Variants in TTC29 observed in about 807,000 individuals in gnomAD.
TTC29 encodes tetratricopeptide repeat protein 29.
In TTC29, 49 loss-of-function variants were observed where a neutral mutation model predicts 58.1. The observed-to-expected ratio is 0.84, with a 90% CI of 0.67 to 1.07. The LOEUF (loss-of-function observed/expected upper bound fraction) is 1.07, where lower values mean the gene tolerates loss of function less well. TTC29 is among the 50% of genes least tolerant of loss of function. The pLI, the probability that TTC29 is intolerant of heterozygous loss-of-function variation, is 0.00. For missense variants in TTC29, 582 were observed against 555.6 expected, an observed-to-expected ratio of 1.05 and a Z score of -0.48; for synonymous variants, 209 against 196.8, an observed-to-expected ratio of 1.06 and a Z score of -0.52.
chr4:146,852,352 T>A (rs1286089829), intron 8 of TTC29, among the ~76,000 whole-genome samples: 3 of 152,186 alleles, frequency 2.0e-5, no homozygotes, highest in Admixed American at 2.0e-4. Context: ...GAGTTTAAAA[T>A]CATCTTACTG....
At chr4:146,903,170 A>G (rs1486773292) in intron 6 of TTC29, among the ~76,000 whole-genome samples, 1 of 152,150 alleles carries the variant, frequency 6.6e-6, no homozygotes, top group East Asian at 1.9e-4. Context: ...TACGTGAGTT[A>G]TACAGATATT....
At chr4:146,818,028 G>A (rs1751536277) in intron 10 of TTC29, among the ~76,000 whole-genome samples, 1 of 152,088 alleles carries the variant, frequency 6.6e-6, no homozygotes, top group Admixed American at 6.6e-5. Context: ...CATGGGCAAG[G>A]ACTTCATGTC....
intron 11 of TTC29, among the ~76,000 whole-genome samples, chr4:146,771,728 G>A (rs1178605223): frequency 6.6e-6 from 1 of 152,114 alleles, no homozygotes; most frequent in African/African-American, 2.4e-5. Flanking sequence ...ACATATGTAT[G>A]CATGTGTCTT....
At chr4:146,816,909 A>T (rs1332586504) in intron 10 of TTC29, among the ~76,000 whole-genome samples, 11 of 152,148 alleles carry the variant, frequency 7.2e-5, no homozygotes, top group Admixed American at 7.2e-4. Flanking sequence ...TGGTTAGGAG[A>T]ATGGGTTTGA....
intron 8 of TTC29, among the ~76,000 whole-genome samples, chr4:146,845,619 G>A (rs1254458786): frequency 6.6e-6 from 1 of 152,138 alleles, no homozygotes; most frequent in East Asian, 1.9e-4. Flanking sequence ...CACTTGCTTT[G>A]CCAATGCAGA....
chr4:146,910,761 A>G (rs377404637), intron 4 of TTC29, among the ~76,000 whole-genome samples: 63 of 152,274 alleles, frequency 4.1e-4, no homozygotes, highest in African/African-American at 1.5e-3. Flanking sequence ...TCGTAAAGAG[A>G]ATAAAGAGAC....
In TTC29 at chr4:146,851,974, C is replaced by T. The variant is rs1287589368; in HGVS notation, c.885+15524G>A. 3.3e-5 allele frequency among the ~76,000 whole-genome samples: 5 copies of T among 152,158 alleles called. No individual in the cohort carries two copies. In the South Asian group the frequency reaches 6.2e-4, roughly 19 times the overall value. On this transcript the variant is annotated intron_variant, in intron 8 of 12. Transcript: ENST00000325106. ...TTTTTGAGACGGAGTCTCACTCTGTCGCCCAGACTGGAGTGCAGTGGCATG... is the reference window on the plus strand; with the variant it reads ...TTTTTGAGACGGAGTCTCACTCTGTTGCCCAGACTGGAGTGCAGTGGCATG...
Position 146,749,412 on chromosome 4 carries a change from G to C in TTC29, c.1331-41861C>G, listed in dbSNP as rs541246802. Among the ~76,000 whole-genome samples the C allele has an allele frequency of 1.5e-3, 223 of 152,166 alleles. 2 individuals are homozygous for C. The highest frequency in any genetic ancestry group is 2.3e-3 in the Non-Finnish European group (157 of 68,004). ...AATAAAGAGATTCAACAGCAGGCTA[G>C]ATCAAGGAGAAGAAAGAATCTGTAA... On this transcript the variant is annotated intron_variant, in intron 11 of 12. Transcript: ENST00000325106.
chr4:146,868,285 A>G (rs1351709936), intron 7 of TTC29, among the ~76,000 whole-genome samples: 1 of 152,066 alleles, frequency 6.6e-6, no homozygotes, highest in Non-Finnish European at 1.5e-5. Context: ...TGACGAGTTA[A>G]TGGGTGCAGC....
At chr4:146,851,481 AT>A (rs1023109875) in intron 8 of TTC29, among the ~76,000 whole-genome samples, 1 of 152,128 alleles carries the variant, frequency 6.6e-6, no homozygotes, top group Non-Finnish European at 1.5e-5. Context: ...CTCTTCTTTC[AT>A]TTTATCCAAA....
chr4:146,728,597 A>T (rs987103020), intron 11 of TTC29, among the ~76,000 whole-genome samples: 2 of 150,576 alleles, frequency 1.3e-5, no homozygotes, highest in Non-Finnish European at 3.0e-5. Context: ...GAATGGGGCC[A>T]ATTTATTTAT....
intron 11 of TTC29, among the ~76,000 whole-genome samples, chr4:146,736,444 AAC>A (rs1744714759): frequency 6.6e-6 from 1 of 152,194 alleles, no homozygotes; most frequent in African/African-American, 2.4e-5. Flanking sequence ...TTTACTTACT[AAC>A]ATAAAACAGA....
intron 4 of TTC29, among the ~76,000 whole-genome samples, chr4:146,910,797 A>C (rs1733847568): frequency 6.6e-6 from 1 of 152,244 alleles, no homozygotes; most frequent in Non-Finnish European, 1.5e-5. Flanking sequence ...TCAAAAGATC[A>C]AATGCCAACA....
chr4:146,730,427 T>C (rs1744240527), intron 11 of TTC29, among the ~76,000 whole-genome samples: 1 of 152,172 alleles, frequency 6.6e-6, no homozygotes, highest in Non-Finnish European at 1.5e-5. Flanking sequence ...TTAGGCTGGA[T>C]AGATAATTTT....
chr4:146,857,980 T>C (rs1354415653), intron 8 of TTC29, among the ~76,000 whole-genome samples: 3 of 152,156 alleles, frequency 2.0e-5, no homozygotes, highest in South Asian at 2.1e-4. Context: ...TAAATTACAA[T>C]TAAGAATAAA....
Position 146,820,160 on chromosome 4 carries a change from C to T in TTC29, c.1066G>A (p.Ala356Thr). 1.2e-6 allele frequency: 2 copies of T among 1,613,338 alleles called. No homozygotes were observed. Among genetic ancestry groups the T allele is most frequent in the South Asian group, 1.1e-5 (1 of 91,082 alleles). Reference protein sequence around the residue: ...NNFQSLDLVRASTMLGDIYNE... With the variant: ...NNFQSLDLVRTSTMLGDIYNE... ...TAGATGTCCCCAAGCATTGTACTTG[C>T]TCTCACCAAATCTAGGCTTTGAAAA... The change falls in exon 10 of 13, where the codon GCA becomes ACA. Residue 356 changes from alanine to threonine, a missense_variant. Ala to Thr is a moderately conservative substitution (Grantham distance 58). Transcript: ENST00000325106.
At chr4:146,825,151 A>G (rs901497284) in intron 9 of TTC29, among the ~76,000 whole-genome samples, 1 of 151,836 alleles carries the variant, frequency 6.6e-6, no homozygotes, top group African/African-American at 2.4e-5. Flanking sequence ...TAGCTTTTGG[A>G]TTAGTTTGCT....
chr4:146,737,698 A>C (rs1469654741), intron 11 of TTC29, among the ~76,000 whole-genome samples: 3 of 151,514 alleles, frequency 2.0e-5, no homozygotes, highest in Admixed American at 6.6e-5. Context: ...CATTGAAAAA[A>C]CCCCAGAAGA....
At chr4:146,801,493 T>C (rs540671830) in intron 11 of TTC29, among the ~76,000 whole-genome samples, 77 of 152,276 alleles carry the variant, frequency 5.1e-4, no homozygotes, top group Admixed American at 4.1e-3. Flanking sequence ...AGGAGTGTTT[T>C]ATTTTATAGC....
Sources: allele counts gnomAD v4.1 joint callset (sites outside exome capture counted in the v4.1 genomes callset), GRCh38; gene constraint gnomAD v4.1.1; transcripts MANE v1.5; gene names NCBI Gene and HGNC (gene_info 2026-07-23, HGNC 2026-07-21).